SV2C: variants seen among roughly 807,000 people sequenced by gnomAD.
SV2C encodes the protein solute carrier family 22 member B3.
SV2C carries 49 observed loss-of-function variants against 79.7 expected under a neutral mutation model. The observed-to-expected ratio is 0.61, with a 90% CI of 0.49 to 0.78. The LOEUF (loss-of-function observed/expected upper bound fraction) is 0.78. Ranked by LOEUF, SV2C falls within the 30% of genes least tolerant of loss-of-function variation. SV2C has a pLI of 0.00. For missense variants in SV2C, 833 were observed against 912.9 expected (o/e 0.91, Z 1.13); for synonymous variants, 334 against 333.2 (o/e 1.00, Z -0.03).
intron 4 of SV2C, among the ~76,000 whole-genome samples, chr5:76,264,600 C>T (rs1042174393): frequency 1.3e-5 from 2 of 152,186 alleles, no homozygotes; most frequent in Non-Finnish European, 2.9e-5. Flanking sequence ...AGGCTGATGA[C>T]CTTTGAATGG....
intron 4 of SV2C, among the ~76,000 whole-genome samples, chr5:76,211,774 C>CT (rs938271686): frequency 1.3e-5 from 2 of 152,128 alleles, no homozygotes; most frequent in Admixed American, 1.3e-4. Flanking sequence ...ATTTAGATGT[C>CT]TTTAACTTGT....
intron 12 of SV2C, among the ~76,000 whole-genome samples, chr5:76,316,478 C>T (rs1748622921): frequency 6.6e-6 from 1 of 152,188 alleles, no homozygotes; most frequent in South Asian, 2.1e-4. Flanking sequence ...CCAGGTGATT[C>T]TGATGCACCC....
the SV2C span, among the ~76,000 whole-genome samples, chr5:76,012,913 G>T: frequency 6.6e-6 from 1 of 152,272 alleles, no homozygotes; most frequent in Admixed American, 6.5e-5. Flanking sequence ...TCAGATGGTT[G>T]TAGATGTGTG....
At chr5:76,281,008 T>G (rs1747174774) in intron 4 of SV2C, 1 of 539,628 alleles carries the variant, frequency 1.9e-6, no homozygotes. Context: ...GAGGCAGAAA[T>G]GAGAAACAGT....
At chr5:75,866,823 G>A in the SV2C span, among the ~76,000 whole-genome samples, 4 of 152,192 alleles carry the variant, frequency 2.6e-5, no homozygotes, top group Admixed American at 2.6e-4. Context: ...GGGGCTTAGA[G>A]TGAACTTGGA....
rs1749046526 is a variant in SV2C, at chr5:76,327,428, AAC to A, written c.*1883_*1884del. 1 of 152,228 alleles carries A rather than the reference AAC, an allele frequency of 6.6e-6. No individual in the cohort carries two copies. The highest frequency in any genetic ancestry group is 2.4e-5 in the African/African-American group (1 of 41,460). 9.4% of individuals were successfully genotyped at this position (152,228 alleles called of 1,614,324 possible). A position where few individuals can be genotyped will look rare whatever the true frequency, so the allele number is the denominator to read the frequency against. ...AAGATACCAACCGCACAGGGAAAGA[AAC>A]AACTTTCTCTCACTTCTGCCTCCTA... On this transcript the variant is annotated 3_prime_UTR_variant, in exon 13 of 13. Coordinates refer to ENST00000502798, the MANE Select transcript of SV2C (RefSeq NM_014979.4).
the SV2C span, among the ~76,000 whole-genome samples, chr5:75,899,813 G>T: frequency 0.17 from 25,177 of 151,690 alleles, 6,269 homozygotes; most frequent in African/African-American, 0.54. Context: ...CCCTTTATCA[G>T]TATGTAATGG....
chr5:76,285,129 C>T (rs762439329), intron 4 of SV2C, 33 bp from the exon 5 acceptor site: 1 of 1,610,206 alleles, frequency 6.2e-7, no homozygotes, highest in Admixed American at 1.7e-5. Context: ...CTGGGAGGAG[C>T]TCTCCCTCAC....
At chr5:75,971,135 TAAA>T in the SV2C span, among the ~76,000 whole-genome samples, 3 of 152,094 alleles carry the variant, frequency 2.0e-5, no homozygotes, top group Non-Finnish European at 4.4e-5. Context: ...CGCTTCATGC[TAAA>T]AACTCTCAAT....
rs188702893 is a variant in SV2C, at chr5:76,177,010, G to A, written c.581-17909G>A. The stretch of plus-strand genomic sequence containing the variant: ...GGCGTCTGTAGTCCCAGCTACTCGG[G>A]AGGCTGAGGCAGGAGAATGGCGTGA... On this transcript the variant is annotated intron_variant, in intron 2 of 12. Transcript: ENST00000502798. Among the ~76,000 whole-genome samples, 328 of 151,710 alleles carry A rather than the reference G, an allele frequency of 2.2e-3. 2 individuals carry two copies. The highest frequency in any genetic ancestry group is 4.4e-3 in the Admixed American group (67 of 15,262).
chr5:76,141,158 G>A (rs182294900), intron 2 of SV2C, among the ~76,000 whole-genome samples: 20 of 152,216 alleles, frequency 1.3e-4, no homozygotes, highest in African/African-American at 3.6e-4. Flanking sequence ...CCAAAGAGTC[G>A]GGTTCACTTT....
At chr5:76,120,746 T>C (rs916080829) in intron 1 of SV2C, among the ~76,000 whole-genome samples, 1 of 150,450 alleles carries the variant, frequency 6.6e-6, no homozygotes, top group Non-Finnish European at 1.5e-5. Context: ...ATGTGCCACA[T>C]TTTCTTAATC....
At chr5:76,138,755 G>A (rs375093241) in intron 2 of SV2C, among the ~76,000 whole-genome samples, 2 of 152,198 alleles carry the variant, frequency 1.3e-5, no homozygotes, top group Non-Finnish European at 2.9e-5. Context: ...TTGAATGAAT[G>A]AATGACAGTC....
chr5:75,855,568 A>G, the SV2C span, among the ~76,000 whole-genome samples: 1 of 152,092 alleles, frequency 6.6e-6, no homozygotes, highest in Non-Finnish European at 1.5e-5. Context: ...CCTCTGTGTC[A>G]CATCTTGGTA....
chr5:75,862,389 C>T, the SV2C span, among the ~76,000 whole-genome samples: 3 of 152,300 alleles, frequency 2.0e-5, no homozygotes, highest in African/African-American at 4.8e-5. Flanking sequence ...TGCCTAGAAC[C>T]TACATGGAAG....
chr5:76,027,400 T>G, the SV2C span, among the ~76,000 whole-genome samples: 1 of 152,094 alleles, frequency 6.6e-6, no homozygotes, highest in African/African-American at 2.4e-5. Context: ...TTGTCATTTC[T>G]TATTTTATAT....
the SV2C span, among the ~76,000 whole-genome samples, chr5:75,918,474 AG>A: frequency 2.6e-5 from 4 of 152,380 alleles, no homozygotes; most frequent in South Asian, 8.3e-4. Flanking sequence ...TGAAAGATGT[AG>A]GCTCTAAGGG....
chr5:75,972,488 A>G, the SV2C span, among the ~76,000 whole-genome samples: 1 of 152,028 alleles, frequency 6.6e-6, no homozygotes, highest in African/African-American at 2.4e-5. Flanking sequence ...CAAGAAAAAA[A>G]CAAACAACCC....
chr5:75,955,276 G>C, the SV2C span, among the ~76,000 whole-genome samples: 6 of 149,038 alleles, frequency 4.0e-5, no homozygotes, highest in South Asian at 6.3e-4. Context: ...ACAAACCTGA[G>C]AAAAACAAGC....
Sources: gnomAD v4.1 joint callset for allele counts (sites outside exome capture counted in the v4.1 genomes callset) on GRCh38, gnomAD v4.1.1 for gene constraint, MANE v1.5 for transcripts, NCBI Gene and HGNC (gene_info 2026-07-23, HGNC 2026-07-21) for gene names.